The following PTPRS variants were observed in gnomAD, a reference collection of about 807,000 sequenced individuals.
PTPRS encodes the protein receptor-type tyrosine-protein phosphatase S.
PTPRS carries 63 observed loss-of-function variants against 215.3 expected under a neutral mutation model. The observed-to-expected ratio is 0.29, with a 90% confidence interval of 0.24 to 0.36. The LOEUF is 0.36. Among genes scored for constraint, PTPRS ranks in the 10% least tolerant of loss-of-function variants. The probability of loss-of-function intolerance (pLI) is 1.00; values close to 1 mark genes in which losing one functional copy is unlikely to be tolerated. For missense variants in PTPRS, 2,258 were observed against 2,825.8 expected (o/e 0.80, Z 4.56); for synonymous variants, 1,404 against 1,191.4 (o/e 1.18, Z -3.68).
chr19:5,264,580 G>A (rs563292786), intron 5 of PTPRS, among the ~76,000 whole-genome samples: 32 of 152,220 alleles, frequency 2.1e-4, no homozygotes, highest in East Asian at 1.7e-3. Context: ...CAAAGAGCTC[G>A]GATTACAGGC....
At chr19:5,326,986 C>A (rs1232954058) in intron 1 of PTPRS, among the ~76,000 whole-genome samples, 1 of 152,124 alleles carries the variant, frequency 6.6e-6, no homozygotes, top group African/African-American at 2.4e-5. Flanking sequence ...CACAACTGAC[C>A]CTCCACACCT....
chr19:5,326,447 G>A (rs1248735717), intron 1 of PTPRS, among the ~76,000 whole-genome samples: 1 of 152,136 alleles, frequency 6.6e-6, no homozygotes, highest in Non-Finnish European at 1.5e-5. Context: ...TACCTTCAAG[G>A]ACATACCAGG....
chr19:5,323,526 G>A (rs1294579362), intron 1 of PTPRS, among the ~76,000 whole-genome samples: 1 of 152,266 alleles, frequency 6.6e-6, no homozygotes, highest in East Asian at 1.9e-4. Flanking sequence ...AAGGAAGTCA[G>A]GGAGGTTGCT....
intron 4 of PTPRS, chr19:5,273,162 C>A: frequency 2.1e-6 from 1 of 482,166 alleles, no homozygotes; most frequent in Non-Finnish European, 3.8e-6. Context: ...TTGAACCCAT[C>A]TGAGTTGGAT....
chr19:5,303,938 G>A (rs183701705), intron 1 of PTPRS, among the ~76,000 whole-genome samples: 601 of 49,824 alleles, frequency 0.012, 6 homozygotes, highest in Non-Finnish European at 0.017. Flanking sequence ...GTGACACAGC[G>A]AGACTCTGTC....
chr19:5,300,237 T>A (rs1278656161), intron 1 of PTPRS, among the ~76,000 whole-genome samples: 1 of 119,850 alleles, frequency 8.3e-6, no homozygotes, highest in Non-Finnish European at 1.6e-5. Flanking sequence ...CGAGACTCCA[T>A]CTCAAAAAAA....
intron 7 of PTPRS, among the ~76,000 whole-genome samples, chr19:5,259,381 T>C (rs895848351): frequency 6.6e-5 from 10 of 152,082 alleles, no homozygotes; most frequent in African/African-American, 2.4e-4. Flanking sequence ...ACTGTGCCCA[T>C]GAGAAAATGA....
intron 1 of PTPRS, among the ~76,000 whole-genome samples, chr19:5,291,523 C>T (rs550771752): frequency 3.3e-5 from 5 of 152,214 alleles, no homozygotes; most frequent in Admixed American, 2.6e-4. Flanking sequence ...CACACACCCA[C>T]GGGGGCTCCC....
intron 4 of PTPRS, among the ~76,000 whole-genome samples, chr19:5,265,539 G>A (rs1377022868): frequency 2.0e-5 from 3 of 152,134 alleles, no homozygotes; most frequent in Admixed American, 1.3e-4. Flanking sequence ...AGGGGGTCTC[G>A]CTGTGTTGTC....
intron 13 of PTPRS, among the ~76,000 whole-genome samples, chr19:5,232,752 T>C (rs1006595152): frequency 3.0e-5 from 3 of 98,950 alleles, no homozygotes; most frequent in Non-Finnish European, 7.0e-5. Flanking sequence ...ATTAGGCACC[T>C]ACTAATAATT....
intron 1 of PTPRS, among the ~76,000 whole-genome samples, chr19:5,290,584 G>C (rs1453052705): frequency 6.6e-6 from 1 of 152,112 alleles, no homozygotes; most frequent in Non-Finnish European, 1.5e-5. Context: ...GCACGAGGCG[G>C]GGGCTCCTCG....
intron 7 of PTPRS, among the ~76,000 whole-genome samples, chr19:5,260,354 G>A (rs531272766): frequency 1.1e-4 from 17 of 151,958 alleles, no homozygotes; most frequent in Non-Finnish European, 2.2e-4. Context: ...TAATTTTTGT[G>A]TTTTTAGTAG....
chr19:5,244,982 T>C lies in PTPRS; in HGVS notation c.989-500A>G, dbSNP rs1003862265. Among the ~76,000 whole-genome samples the C allele has an allele frequency of 1.4e-5, 2 of 143,412 alleles. No homozygotes were observed. The highest frequency in any genetic ancestry group is 2.7e-5 in the African/African-American group (1 of 36,622). The allele number at this position is 143,412 out of a possible 152,430, so 94.1% of individuals were successfully genotyped here. ...CGCACCCGGCCTTTTTTTTCTTTTT[T>C]CTTTTTTTTTTTTTTTAGACGGAGC... On this transcript the variant is annotated intron_variant, in intron 10 of 37. Coordinates refer to ENST00000262963, the MANE Select transcript of PTPRS (RefSeq NM_002850.4). The surrounding 1 kb of genome is among the most constrained non-coding windows in gnomAD (Gnocchi z 7.2).
intron 1 of PTPRS, among the ~76,000 whole-genome samples, chr19:5,307,337 G>A (rs368995705): frequency 2.6e-5 from 4 of 151,508 alleles, no homozygotes; most frequent in East Asian, 1.9e-4. Flanking sequence ...ATGAATGAAT[G>A]AATAAATAAA....
chr19:5,243,751 C>A (rs912321149), intron 11 of PTPRS, 150 bp downstream of exon 11: 13 of 782,272 alleles, frequency 1.7e-5, no homozygotes, highest in South Asian at 2.7e-5. Context: ...AGATTACAGG[C>A]GTAAACCACC....
At chr19:5,322,338 C>T (rs907118904) in intron 1 of PTPRS, among the ~76,000 whole-genome samples, 1 of 152,212 alleles carries the variant, frequency 6.6e-6, no homozygotes, top group African/African-American at 2.4e-5. Flanking sequence ...CCCCACAGCA[C>T]TCAGGAGGCT....
At chr19:5,263,640 C>A (rs2046187043) in intron 5 of PTPRS, among the ~76,000 whole-genome samples, 2 of 152,344 alleles carry the variant, frequency 1.3e-5, no homozygotes, top group Middle Eastern at 3.4e-3. Context: ...ATCCGTGACA[C>A]AGACAAACAC....
chr19:5,211,941 C>T (rs1198249004), intron 32 of PTPRS, 24 bp downstream of exon 32: 1 of 1,564,032 alleles, frequency 6.4e-7, no homozygotes, highest in Admixed American at 1.8e-5. Flanking sequence ...ACCCCGCCCA[C>T]AGCAGCCTCC....
chr19:5,253,900 C>G (rs1313711146), intron 9 of PTPRS, among the ~76,000 whole-genome samples: 2 of 152,186 alleles, frequency 1.3e-5, no homozygotes, highest in Non-Finnish European at 2.9e-5. Context: ...CTTTCACCTA[C>G]CCTGTGATCA....
Sources: allele counts gnomAD v4.1 joint callset (sites outside exome capture counted in the v4.1 genomes callset), GRCh38; gene constraint gnomAD v4.1.1; non-coding constraint Gnocchi (gnomAD v3.1); transcripts MANE v1.5; gene names NCBI Gene and HGNC (gene_info 2026-07-23, HGNC 2026-07-21).